The following GPC5 variants were observed in gnomAD, a reference collection of about 807,000 sequenced individuals.
The protein encoded by GPC5 is glypican-5.
A neutral mutation model predicts 53.9 loss-of-function variants in GPC5; 47 were observed. The ratio of observed to expected loss-of-function variants is 0.87; its 90% confidence interval spans 0.69 to 1.11. The LOEUF is 1.11. Among genes scored for constraint, GPC5 ranks in the 50% most tolerant of loss-of-function variants. The pLI is 0.00. For missense variants in GPC5, 748 were observed against 713.1 expected, an observed-to-expected ratio of 1.05 and a Z score of -0.56; for synonymous variants, 286 against 263.3, an observed-to-expected ratio of 1.09 and a Z score of -0.84.
chr13:92,647,070 A>G (rs1474013822), intron 7 of GPC5, among the ~76,000 whole-genome samples: 3 of 151,902 alleles, frequency 2.0e-5, no homozygotes, highest in African/African-American at 7.3e-5. Flanking sequence ...ATCTGTTAAT[A>G]AAGACAGTTT....
At chr13:92,797,926 CATAGATAGATG>C (rs1466403661) in intron 7 of GPC5, among the ~76,000 whole-genome samples, 1 of 151,646 alleles carries the variant, frequency 6.6e-6, no homozygotes, top group Non-Finnish European at 1.5e-5. Context: ...AGATACAGTT[CATAGATAGATG>C]ATAGAGCAGA....
chr13:91,817,592 A>G (rs2038420386), intron 5 of GPC5, among the ~76,000 whole-genome samples: 3 of 152,124 alleles, frequency 2.0e-5, no homozygotes, highest in Non-Finnish European at 4.4e-5. Flanking sequence ...TTTTTTGGGG[A>G]AAAAAAGTAG....
chr13:92,027,085 A>C (rs536157471), intron 6 of GPC5, among the ~76,000 whole-genome samples: 1 of 152,344 alleles, frequency 6.6e-6, no homozygotes, highest in Non-Finnish European at 1.5e-5. Context: ...TTGTAAAACA[A>C]GTCTTTGTTG....
intron 5 of GPC5, among the ~76,000 whole-genome samples, chr13:91,826,772 G>T (rs73607697): frequency 0.027 from 4,175 of 152,122 alleles, 201 homozygotes; most frequent in African/African-American, 0.095. Context: ...GTAAAGGAAA[G>T]CATTGTTAAT....
chr13:91,618,278 G>A (rs771184097), intron 2 of GPC5, among the ~76,000 whole-genome samples: 2 of 152,234 alleles, frequency 1.3e-5, no homozygotes, highest in South Asian at 4.1e-4. Context: ...ATTTCTAAGT[G>A]AGTGAAGGTC....
intron 7 of GPC5, among the ~76,000 whole-genome samples, chr13:92,589,865 T>C (rs1883661017): frequency 1.3e-5 from 2 of 152,232 alleles, no homozygotes; most frequent in African/African-American, 4.8e-5. Context: ...ATCGAAATGA[T>C]AATCACTGGT....
intron 7 of GPC5, among the ~76,000 whole-genome samples, chr13:92,329,268 G>A (rs1021918599): frequency 6.6e-6 from 1 of 152,162 alleles, no homozygotes; most frequent in Non-Finnish European, 1.5e-5. Flanking sequence ...AGCTCCTGGG[G>A]AGGCTTCAAG....
chr13:91,552,316 C>T (rs911711694), intron 2 of GPC5, among the ~76,000 whole-genome samples: 3 of 151,900 alleles, frequency 2.0e-5, no homozygotes, highest in Non-Finnish European at 4.4e-5. Flanking sequence ...GACACAGCTC[C>T]GTGAATAAGC....
chr13:91,673,367 A>G (rs1240606571), intron 2 of GPC5, among the ~76,000 whole-genome samples: 1 of 152,176 alleles, frequency 6.6e-6, no homozygotes, highest in African/African-American at 2.4e-5. Context: ...TATTCTAGTG[A>G]CTAAATATTA....
At chr13:92,455,275 T>C (rs1427890934) in intron 7 of GPC5, among the ~76,000 whole-genome samples, 1 of 152,162 alleles carries the variant, frequency 6.6e-6, no homozygotes, top group East Asian at 1.9e-4. Flanking sequence ...ATAGTTATAA[T>C]ATGTCAGCTT....
chr13:92,403,039 A>C (rs1208083484), intron 7 of GPC5, among the ~76,000 whole-genome samples: 3 of 152,180 alleles, frequency 2.0e-5, no homozygotes, highest in Non-Finnish European at 4.4e-5. Flanking sequence ...ATTATTTTCA[A>C]ATCAATAGAC....
At position 91,728,537 on chromosome 13, in the gene GPC5, T is replaced by C. The variant is rs201594468; in HGVS notation, c.1026T>C (p.Asn342=). ...LNGQKLLEQV[N]RICGRPVRTP... is the part of the protein sequence containing the mutation. ...TAATGTTTTCTATTTAAAAGGTAAA[T>C]AGGATTTGTGGCCGCCCTGTAAGAA... Residue 342 remains asparagine, a synonymous_variant, in exon 4 of 8, where the codon AAT becomes AAC. Coordinates refer to ENST00000377067, the MANE Select transcript of GPC5 (RefSeq NM_004466.6). 8.7e-6 allele frequency: 14 copies of C among 1,609,954 alleles called. No individual in the cohort carries two copies. In the East Asian group the frequency reaches 2.9e-4, roughly 33 times the overall value.
intron 3 of GPC5, among the ~76,000 whole-genome samples, chr13:91,712,380 G>GTA (rs914202967): frequency 2.6e-5 from 4 of 151,260 alleles, no homozygotes; most frequent in Admixed American, 6.6e-5. Flanking sequence ...ATATATGTGT[G>GTA]TATATATATG....
chr13:91,630,845 T>C (rs1216185906), intron 2 of GPC5, among the ~76,000 whole-genome samples: 1 of 152,088 alleles, frequency 6.6e-6, no homozygotes, highest in Non-Finnish European at 1.5e-5. Context: ...GTTTTTTTGT[T>C]TTTTGTTTTT....
Position 92,662,358 on chromosome 13 carries a change from G to A in GPC5, c.1562-203924G>A, listed in dbSNP as rs561534145. Among the ~76,000 whole-genome samples, 5 of 152,108 alleles carry A rather than the reference G, an allele frequency of 3.3e-5. No homozygotes were observed. The East Asian group carries it at 5.8e-4, about 18-fold the overall frequency. On this transcript the variant is annotated intron_variant, in intron 7 of 7. Transcript: ENST00000377067. ...TACTTCCATGCTAGAACAGGCTTTC[G>A]TCACCACGGCAGTTTTCTTTTAAAT... is the stretch of plus-strand genomic sequence containing the variant.
chr13:91,814,846 T>C (rs1448843185), intron 5 of GPC5, among the ~76,000 whole-genome samples: 5 of 152,154 alleles, frequency 3.3e-5, no homozygotes, highest in African/African-American at 1.2e-4. Flanking sequence ...TGGCCACAGC[T>C]TTATTTTTTA....
At chr13:92,525,160 C>T (rs1881223953) in intron 7 of GPC5, among the ~76,000 whole-genome samples, 3 of 151,992 alleles carry the variant, frequency 2.0e-5, no homozygotes, top group African/African-American at 4.8e-5. Flanking sequence ...CATTGATTTT[C>T]TTCAGTCATC....
intron 2 of GPC5, among the ~76,000 whole-genome samples, chr13:91,647,070 CGT>C (rs66824666): frequency 0.16 from 23,430 of 143,728 alleles, 2,224 homozygotes; most frequent in Non-Finnish European, 0.22. Context: ...TATATATATG[CGT>C]GTGTGTGTGT....
At chr13:92,394,274 T>C (rs2139327750) in intron 7 of GPC5, among the ~76,000 whole-genome samples, 1 of 152,330 alleles carries the variant, frequency 6.6e-6, no homozygotes, top group South Asian at 2.1e-4. Flanking sequence ...ATATTTTGTG[T>C]GTGTGTACGT....
Sources: allele counts gnomAD v4.1 joint callset (sites outside exome capture counted in the v4.1 genomes callset), GRCh38; gene constraint gnomAD v4.1.1; transcripts MANE v1.5; gene names NCBI Gene and HGNC (gene_info 2026-07-23, HGNC 2026-07-21).